Variants in SIGLEC1 observed in about 807,000 individuals in gnomAD.
SIGLEC1 encodes sialoadhesin.
A neutral mutation model predicts 148.0 loss-of-function variants in SIGLEC1; 132 were observed. The observed-to-expected ratio is 0.89, with a 90% confidence interval of 0.77 to 1.03. The LOEUF (loss-of-function observed/expected upper bound fraction) is 1.03. Ranked by LOEUF, SIGLEC1 falls within the 50% of genes least tolerant of loss-of-function variation. SIGLEC1 has a pLI of 0.00. For missense variants in SIGLEC1, 2,253 were observed against 2,271.4 expected (o/e 0.99, Z 0.16); for synonymous variants, 945 against 969.0 (o/e 0.98, Z 0.46).
At position 3,703,717 on chromosome 20, in the gene SIGLEC1, C is replaced by G; in HGVS notation, c.973+108G>C. The G allele has an allele frequency of 4.2e-6, 6 of 1,432,762 alleles. No homozygotes were observed. The South Asian group carries it at 7.9e-5, about 19-fold the overall frequency. The allele number at this position is 1,432,762 out of a possible 1,614,324, so 88.8% of individuals were successfully genotyped here. A position where few individuals can be genotyped will look rare whatever the true frequency, so the allele number is the denominator to read the frequency against. On this transcript the variant is annotated intron_variant, in intron 5 of 21. Transcript: ENST00000344754. ...ACTCCACACCTGCATCCAGGAAGCA[C>G]TGGGTTATGCCAGTTGCTGGCCCTG... is the stretch of plus-strand genomic sequence containing the variant.
At chr20:3,700,503 G>A (rs976137759) in intron 7 of SIGLEC1, among the ~76,000 whole-genome samples, 6 of 151,728 alleles carry the variant, frequency 4.0e-5, no homozygotes, top group African/African-American at 1.2e-4. Flanking sequence ...AGGATGGCTT[G>A]AGCCCAGGAG....
chr20:3,709,046 C>CAAAAAA (rs375193019), intron 1 of SIGLEC1, among the ~76,000 whole-genome samples: 3 of 80,024 alleles, frequency 3.7e-5, no homozygotes, highest in African/African-American at 1.5e-4. Flanking sequence ...TCTTCTGTCT[C>CAAAAAA]AAAAAAAAAA....
chr20:3,689,799 C>T (rs1251238767), intron 19 of SIGLEC1, 97 bp from the exon 20 acceptor site: 1 of 1,273,402 alleles, frequency 7.9e-7, no homozygotes, highest in East Asian at 2.5e-5. Flanking sequence ...CTAACTTTTG[C>T]TTTATCGCTG....
chr20:3,694,473 G>T lies in SIGLEC1; in HGVS notation c.3004C>A (p.Leu1002Ile), dbSNP rs148214310. 3 of 1,599,316 alleles carry T rather than the reference G, an allele frequency of 1.9e-6. No individual in the cohort carries two copies. The highest frequency in any genetic ancestry group is 2.6e-6 in the Non-Finnish European group (3 of 1,170,850). Residue 1002 changes from leucine (L) to isoleucine (I), a missense_variant, in exon 13 of 22, where the codon CTC (leucine) becomes ATC (isoleucine). Physicochemically the swap from Leu to Ile is conservative, Grantham distance 5. Transcript: ENST00000344754. ...TCACTGTCCACACGGCACAGGAGGA[G>T]GCCCAGTCGTCCAGGGCCTGTGTCC... ...LMDTGPGRLG[L>I]LLCRVDSDPP...
Position 3,705,899 on chromosome 20 carries a change from A to C in SIGLEC1, c.551T>G (p.Val184Gly), listed in dbSNP as rs150892893. ...QWQGQDPARSVTFNSQKFEPT... is the reference protein window; with the variant it reads ...QWQGQDPARSGTFNSQKFEPT... ...CTCAAACTTCTGGCTGTTGAAGGTG[A>C]CAGAGCGAGCAGGGTCCTGGCCTTG... Residue 184 changes from valine to glycine, a missense_variant, in exon 4 of 22, where the codon GTC (valine) becomes GGC (glycine). Coordinates refer to ENST00000344754, the MANE Select transcript of SIGLEC1 (RefSeq NM_023068.4). 2 of 1,614,006 alleles carry C rather than the reference A, an allele frequency of 1.2e-6. No individual in the cohort carries two copies. The highest frequency in any genetic ancestry group is 2.7e-5 in the African/African-American group (2 of 74,930).
chr20:3,691,699 G>A, intron 17 of SIGLEC1, 99 bp from the exon 18 acceptor site: 3 of 1,482,008 alleles, frequency 2.0e-6, no homozygotes, highest in Non-Finnish European at 2.7e-6. Context: ...ATTGTGGGAA[G>A]GTCTCAGTCT....
In SIGLEC1 at chr20:3,688,488, T is replaced by C. The variant is rs2088721117; in HGVS notation, c.*72A>G. On this transcript the variant is annotated 3_prime_UTR_variant, in exon 22 of 22. Coordinates refer to ENST00000344754, the MANE Select transcript of SIGLEC1 (RefSeq NM_023068.4). Reference sequence around the variant, plus strand: ...GCGGGCAGGACTCAACACTGCCTCATTCACATTCATAGGCTGGAGTCATCA... The same window carrying C: ...GCGGGCAGGACTCAACACTGCCTCACTCACATTCATAGGCTGGAGTCATCA... The C allele has an allele frequency of 1.6e-6, 2 of 1,283,918 alleles. No homozygotes were observed. Among genetic ancestry groups the C allele is most frequent in the South Asian group, 1.3e-5 (1 of 78,644 alleles). The allele number at this position is 1,283,918 out of a possible 1,614,324, so 79.5% of individuals were successfully genotyped here.
chr20:3,700,947 C>G (rs930043145), intron 7 of SIGLEC1, among the ~76,000 whole-genome samples: 1 of 152,136 alleles, frequency 6.6e-6, no homozygotes. Flanking sequence ...GATCCACCCA[C>G]CTCGGCCTCC....
In SIGLEC1 at chr20:3,694,607, C is replaced by T. The variant is rs192676825; in HGVS notation, c.2944+56G>A. ...CAGGGCTCTGTCATGTGACACAGCC[C>T]AGGACTGGGGGACTGCATTCCTTCC... On this transcript the variant is annotated intron_variant, in intron 12 of 21. Coordinates refer to ENST00000344754, the MANE Select transcript of SIGLEC1 (RefSeq NM_023068.4). The T allele has an allele frequency of 8.9e-5, 140 of 1,575,506 alleles. No homozygotes were observed. In the African/African-American group the frequency reaches 1.0e-3, roughly 12 times the overall value.
intron 7 of SIGLEC1, 35 bp downstream of exon 7, chr20:3,701,307 C>T (rs1368472240): frequency 1.9e-6 from 3 of 1,557,962 alleles, no homozygotes; most frequent in Non-Finnish European, 2.6e-6. Flanking sequence ...CCTCAGGCTC[C>T]CTCCACTCTC....
Position 3,688,245 on chromosome 20 carries a change from G to C in SIGLEC1, c.*315C>G. On this transcript the variant is annotated 3_prime_UTR_variant, in exon 22 of 22. Transcript: ENST00000344754. The stretch of plus-strand genomic sequence containing the variant: ...CCAACCAAAGTCCAGGGTGACTTTC[G>C]AGGAGAAGGATGTGAAAGGGCAGGG... 1 of 386,444 alleles carries C rather than the reference G, an allele frequency of 2.6e-6. No individual in the cohort carries two copies. Among genetic ancestry groups the C allele is most frequent in the Non-Finnish European group, 4.9e-6 (1 of 204,114 alleles). The allele number at this position is 386,444 out of a possible 1,614,324, so 23.9% of individuals were successfully genotyped here.
rs1568839085 is a variant in SIGLEC1, at chr20:3,692,067, C to G, written c.4166G>C (p.Ser1389Thr). 6.2e-7 allele frequency: 1 copy of G among 1,611,928 alleles called. No homozygotes were observed. Among genetic ancestry groups the G allele is most frequent in the East Asian group, 2.2e-5 (1 of 44,882 alleles). ...TGATGCCAAGCTGTGGACCCCGCTG[C>G]TCGTGGCCAGCACCTTGCCATCATG... is the stretch of plus-strand genomic sequence containing the variant. The part of the protein sequence containing the change: ...LSHDGKVLAT[S>T]SGVHSLASGT... Residue 1389 changes from serine to threonine, a missense_variant, in exon 17 of 22, where the codon AGC becomes ACC. Coordinates refer to ENST00000344754, the MANE Select transcript of SIGLEC1 (RefSeq NM_023068.4).
At position 3,697,311 on chromosome 20, in the gene SIGLEC1, T is replaced by C. The variant is rs746671020; in HGVS notation, c.2154A>G (p.Thr718=). The change falls in exon 10 of 22, where the codon ACA becomes ACG. Residue 718 remains threonine (T), a synonymous_variant. Transcript: ENST00000344754. ...AGTTGGCTTCTGTGCCCTCCTGAAG[T>C]GTGTGTGATGGTGCAATGGCCAGGA... is the stretch of plus-strand genomic sequence containing the variant. The part of the protein sequence containing the change: ...ATVLAIAPSH[T]LQEGTEANLT... 1.2e-6 allele frequency: 2 copies of C among 1,613,484 alleles called. No homozygotes were observed. The highest frequency in any genetic ancestry group is 1.7e-6 in the Non-Finnish European group (2 of 1,179,936).
In SIGLEC1 at chr20:3,691,444, A is replaced by C; in HGVS notation, c.4487T>G (p.Leu1496Arg). Residue 1496 changes from leucine (L) to arginine (R), a missense_variant, in exon 18 of 22, where the codon CTC (leucine) becomes CGC (arginine). Physicochemically the swap from Leu to Arg is moderately radical, Grantham distance 102. Transcript: ENST00000344754. ...AGCACGAGCCACGTGGGTGAAGGCG[A>C]GAGTGGGCACAGGCTCCGCGTGCAG... ...RRLHAEPVPTLAFTHVARAQA... is the reference protein window; with the variant it reads ...RRLHAEPVPTRAFTHVARAQA... The C allele has an allele frequency of 6.2e-7, 1 of 1,613,286 alleles. No homozygotes were observed. The highest frequency in any genetic ancestry group is 8.5e-7 in the Non-Finnish European group (1 of 1,179,998).
intron 1 of SIGLEC1, among the ~76,000 whole-genome samples, chr20:3,707,731 G>A (rs973182846): frequency 3.3e-5 from 5 of 152,218 alleles, no homozygotes; most frequent in Non-Finnish European, 7.3e-5. Context: ...CATTGCCCGT[G>A]AGATGTGAAA....
chr20:3,706,041 C>T lies in SIGLEC1; in HGVS notation c.410-1G>A, dbSNP rs2087891095. 1.9e-6 allele frequency: 3 copies of T among 1,611,572 alleles called. No individual in the cohort carries two copies. The East Asian group carries it at 6.7e-5, about 36-fold the overall frequency. ...GCAATGGTGGGCACCCTGGGCTCCTCTGAGGACAGAGACAGCAGTGCTCAG... is the reference window on the plus strand; with the variant it reads ...GCAATGGTGGGCACCCTGGGCTCCTTTGAGGACAGAGACAGCAGTGCTCAG... On this transcript the variant is annotated splice_acceptor_variant, in intron 3 of 21. Transcript: ENST00000344754. LOFTEE classifies it high-confidence loss of function.
rs770632236 is a variant in SIGLEC1, at chr20:3,699,375, G to A, written c.1613C>T (p.Thr538Ile). 1 of 1,608,502 alleles carries A rather than the reference G, an allele frequency of 6.2e-7. No homozygotes were observed. Among genetic ancestry groups the A allele is most frequent in the Non-Finnish European group, 8.5e-7 (1 of 1,178,270 alleles). ...GTACCAGGAGAAGCGGGCATCAGGT[G>A]TGGGGCTTAGGCCGCTTCTGCAGCT... ...TLSCRSGLSP[T>I]PDARFSWYLN... The change falls in exon 8 of 22, where the codon ACA becomes ATA. Residue 538 changes from threonine (T) to isoleucine (I), a missense_variant. Physicochemically the swap from Thr to Ile is moderately conservative, Grantham distance 89. Coordinates refer to ENST00000344754, the MANE Select transcript of SIGLEC1 (RefSeq NM_023068.4).
chr20:3,706,094 C>T (rs2087891707), intron 3 of SIGLEC1, 54 bp from the exon 4 acceptor site: 1 of 1,562,276 alleles, frequency 6.4e-7, no homozygotes, highest in African/African-American at 1.4e-5. Flanking sequence ...CCTGAGATCC[C>T]TCGCCCTGGA....
At chr20:3,708,676 G>A (rs1020044847) in intron 1 of SIGLEC1, among the ~76,000 whole-genome samples, 1 of 152,296 alleles carries the variant, frequency 6.6e-6, no homozygotes, top group East Asian at 1.9e-4. Flanking sequence ...GAGCCCAGGG[G>A]AGGGGTCGAG....
Sources: gnomAD v4.1 joint callset for allele counts (sites outside exome capture counted in the v4.1 genomes callset) on GRCh38, gnomAD v4.1.1 for gene constraint, MANE v1.5 for transcripts, NCBI Gene and HGNC (gene_info 2026-07-23, HGNC 2026-07-21) for gene names.